The following RANBP2 variants were observed in gnomAD, a reference collection of about 807,000 sequenced individuals.
RANBP2 encodes RAN binding protein 2, also known as E3 SUMO-protein ligase RanBP2.
RANBP2 carries 57 observed loss-of-function variants against 303.6 expected under a neutral mutation model. The ratio of observed to expected loss-of-function variants is 0.19; its 90% CI spans 0.15 to 0.23. RANBP2 has a LOEUF of 0.23. Among genes scored for constraint, RANBP2 ranks in the 10% least tolerant of loss-of-function variants. The pLI, the probability that RANBP2 is intolerant of heterozygous loss-of-function variation, is 1.00. For synonymous variants in RANBP2, 1,167 were observed against 1,301.5 expected (o/e 0.90, Z 2.23); for missense variants, 3,138 against 3,780.8 (o/e 0.83, Z 4.46).
At chr2:109,198,971 A>G in the RANBP2 span, among the ~76,000 whole-genome samples, 1 of 152,206 alleles carries the variant, frequency 6.6e-6, no homozygotes, top group Non-Finnish European at 1.5e-5. Flanking sequence ...ATATGCAGTC[A>G]TCATGGACTG....
chr2:109,271,441 A>C, the RANBP2 span, among the ~76,000 whole-genome samples: 1 of 152,256 alleles, frequency 6.6e-6, no homozygotes, highest in Non-Finnish European at 1.5e-5. Flanking sequence ...AGAGTTTTTC[A>C]ACAATGGATA....
At chr2:109,471,298 G>A in the RANBP2 span, among the ~76,000 whole-genome samples, 1 of 152,028 alleles carries the variant, frequency 6.6e-6, no homozygotes, top group Admixed American at 6.5e-5. Context: ...AGTTTCAGCT[G>A]GGGGTGCCAC....
chr2:109,410,255 A>G, the RANBP2 span, among the ~76,000 whole-genome samples: 1 of 152,254 alleles, frequency 6.6e-6, no homozygotes, highest in Non-Finnish European at 1.5e-5. Context: ...TCGCCGTCAC[A>G]GATGACAGCC....
At chr2:108,827,063 A>G in the RANBP2 span, among the ~76,000 whole-genome samples, 1 of 152,212 alleles carries the variant, frequency 6.6e-6, no homozygotes, top group African/African-American at 2.4e-5. Flanking sequence ...ATATATGGTT[A>G]CACAATTAAA....
chr2:109,374,969 GC>G, the RANBP2 span, among the ~76,000 whole-genome samples: 1 of 152,262 alleles, frequency 6.6e-6, no homozygotes, highest in African/African-American at 2.4e-5. Flanking sequence ...CCTGCCAGTG[GC>G]ACAGTGAGCT....
the RANBP2 span, among the ~76,000 whole-genome samples, chr2:109,019,312 G>A: frequency 2.5e-4 from 38 of 152,354 alleles, no homozygotes; most frequent in African/African-American, 8.9e-4. Context: ...GTGTGTGTCG[G>A]GTGTGGTGTG....
At chr2:109,198,774 C>T in the RANBP2 span, among the ~76,000 whole-genome samples, 1 of 152,194 alleles carries the variant, frequency 6.6e-6, no homozygotes, top group African/African-American at 2.4e-5. Flanking sequence ...CTCCTGATAC[C>T]AAACCTAGGA....
chr2:109,221,419 C>G, the RANBP2 span, among the ~76,000 whole-genome samples: 6 of 152,024 alleles, frequency 3.9e-5, no homozygotes, highest in Non-Finnish European at 8.8e-5. Context: ...CCTGTCTCTA[C>G]TAAAAATACA....
At chr2:108,920,368 G>T in the RANBP2 span, among the ~76,000 whole-genome samples, 1 of 152,150 alleles carries the variant, frequency 6.6e-6, no homozygotes, top group Admixed American at 6.5e-5. Context: ...CTCTGTTACG[G>T]CAGGGCAACG....
chr2:108,741,873 G>A (rs1198681488), intron 7 of RANBP2, among the ~76,000 whole-genome samples: 3 of 140,930 alleles, frequency 2.1e-5, no homozygotes, highest in African/African-American at 8.0e-5. Flanking sequence ...GAAATAAGTA[G>A]TCTTCCAAAA....
the RANBP2 span, among the ~76,000 whole-genome samples, chr2:109,710,274 C>T: frequency 3.3e-5 from 5 of 150,496 alleles, no homozygotes; most frequent in African/African-American, 7.3e-5. Flanking sequence ...CCCAGCTACT[C>T]GGGAGGCTGA....
the RANBP2 span, among the ~76,000 whole-genome samples, chr2:109,086,033 C>T: frequency 6.6e-6 from 1 of 152,204 alleles, no homozygotes; most frequent in Admixed American, 6.5e-5. Context: ...CCATATTTGT[C>T]CTTTGGTGAT....
At chr2:108,875,888 G>C in the RANBP2 span, among the ~76,000 whole-genome samples, 1 of 152,080 alleles carries the variant, frequency 6.6e-6, no homozygotes, top group Non-Finnish European at 1.5e-5. Context: ...TTTTTCCCCA[G>C]TGGTTTTCTG....
the RANBP2 span, among the ~76,000 whole-genome samples, chr2:109,249,014 T>G: frequency 6.6e-6 from 1 of 152,166 alleles, no homozygotes; most frequent in Non-Finnish European, 1.5e-5. Flanking sequence ...CCTGAGTAGC[T>G]GGGACTATAG....
chr2:109,521,318 C>T, the RANBP2 span, among the ~76,000 whole-genome samples: 1 of 152,102 alleles, frequency 6.6e-6, no homozygotes, highest in Non-Finnish European at 1.5e-5. Flanking sequence ...GACAGAAGGG[C>T]TGGCAGCAGT....
the RANBP2 span, among the ~76,000 whole-genome samples, chr2:109,599,857 T>C: frequency 6.6e-6 from 1 of 152,186 alleles, no homozygotes; most frequent in African/African-American, 2.4e-5. Context: ...AGAAAAAATA[T>C]CATTTCTAAT....
chr2:108,770,659 T>C (rs749325676), intron 20 of RANBP2, among the ~76,000 whole-genome samples: 26 of 152,138 alleles, frequency 1.7e-4, no homozygotes, highest in Non-Finnish European at 3.1e-4. Context: ...CTAGTAGCCA[T>C]ATTAAAAAGA....
At chr2:109,581,541 C>A in the RANBP2 span, among the ~76,000 whole-genome samples, 1 of 148,680 alleles carries the variant, frequency 6.7e-6, no homozygotes, top group African/African-American at 2.5e-5. Context: ...AAAAAAAAAA[C>A]CTATTTCAGA....
chr2:108,862,438 G>T, the RANBP2 span, among the ~76,000 whole-genome samples: 1 of 152,148 alleles, frequency 6.6e-6, no homozygotes. Context: ...CATTGCATAT[G>T]ATGGAGGATT....
Sources: gnomAD v4.1 joint callset for allele counts (sites outside exome capture counted in the v4.1 genomes callset) on GRCh38, gnomAD v4.1.1 for gene constraint, MANE v1.5 for transcripts, NCBI Gene and HGNC (gene_info 2026-07-23, HGNC 2026-07-21) for gene names.